Variants in PRKCH observed in about 807,000 individuals in gnomAD.
PRKCH encodes protein kinase C eta type.
A neutral mutation model predicts 82.5 loss-of-function variants in PRKCH; 28 were observed. That is an observed-to-expected ratio of 0.34 (90% confidence interval 0.25 to 0.47). PRKCH has a LOEUF of 0.47. Among genes scored for constraint, PRKCH ranks in the 20% least tolerant of loss-of-function variants. PRKCH has a pLI of 1.00. For missense variants in PRKCH, 705 were observed against 881.8 expected, an observed-to-expected ratio of 0.80 and a Z score of 2.54; for synonymous variants, 322 against 327.4, an observed-to-expected ratio of 0.98 and a Z score of 0.18.
chr14:61,225,942 G>T (rs2044693542), intron 1 of PRKCH, among the ~76,000 whole-genome samples: 1 of 152,148 alleles, frequency 6.6e-6, no homozygotes, highest in African/African-American at 2.4e-5. Flanking sequence ...GTTTTGTCAT[G>T]TTGCCCAGGC....
chr14:61,346,348 G>A (rs186383000), intron 1 of PRKCH, among the ~76,000 whole-genome samples: 1 of 152,236 alleles, frequency 6.6e-6, no homozygotes. Flanking sequence ...TCCTAACAGT[G>A]AATTCCTAGG....
intron 5 of PRKCH, 142 bp from the exon 6 acceptor site, chr14:61,450,700 A>G (rs771044762): frequency 2.2e-6 from 2 of 921,400 alleles, no homozygotes; most frequent in African/African-American, 3.4e-5. Context: ...TGAGTAATTA[A>G]TCAGGGCTGA....
At chr14:61,535,514 C>A (rs934120314) in intron 12 of PRKCH, among the ~76,000 whole-genome samples, 2 of 152,118 alleles carry the variant, frequency 1.3e-5, no homozygotes, top group African/African-American at 4.8e-5. Flanking sequence ...AAGGAGCAGT[C>A]CATTTGAGTA....
intron 12 of PRKCH, among the ~76,000 whole-genome samples, chr14:61,540,164 C>G (rs1253767466): frequency 6.6e-6 from 1 of 152,182 alleles, no homozygotes; most frequent in Non-Finnish European, 1.5e-5. Flanking sequence ...AGCCCTATTA[C>G]TTTTCTTTCC....
chr14:61,342,548 T>C (rs1206315453), intron 1 of PRKCH, among the ~76,000 whole-genome samples: 2 of 152,210 alleles, frequency 1.3e-5, no homozygotes, highest in African/African-American at 4.8e-5. Context: ...GCTTCATCAC[T>C]ATGTTCTATG....
intron 1 of PRKCH, among the ~76,000 whole-genome samples, chr14:61,229,167 A>T (rs1594862788): frequency 6.6e-6 from 1 of 152,188 alleles, no homozygotes; most frequent in South Asian, 2.1e-4. Context: ...ACTCCAAAAT[A>T]GGGGATGTGT....
rs79532097 is a variant in PRKCH, at chr14:61,264,438, C to T, written c.-19+76770C>T. ...TTAATTGGGCAGCAGAGCTCCAGAT[C>T]TAAGAAAGCCTGATTTGGCCACTTT... On this transcript the variant is annotated intron_variant, in intron 1 of 3. Coordinates refer to the PRKCH transcript ENST00000555185. Among the ~76,000 whole-genome samples, 32 of 152,290 alleles carry T rather than the reference C, an allele frequency of 2.1e-4. 1 individual carries two copies. The East Asian group carries it at 6.2e-3, about 29-fold the overall frequency.
At chr14:61,321,273 C>A (rs535415209), upstream of PRKCH, among the ~76,000 whole-genome samples, 7 of 152,268 alleles carry the variant, frequency 4.6e-5, no homozygotes, top group Admixed American at 3.9e-4. The surrounding 1 kb of genome is among the most constrained non-coding windows in gnomAD (Gnocchi z 4.1). Flanking sequence ...CGCGCGGGTT[C>A]CTGGCTGGAG....
chr14:61,354,964 A>G (rs1192438852), intron 1 of PRKCH, among the ~76,000 whole-genome samples: 2 of 152,264 alleles, frequency 1.3e-5, no homozygotes, highest in East Asian at 3.8e-4. Context: ...GAGTACTTGC[A>G]TAAATGAATT....
chr14:61,250,451 C>T (rs1480063716), intron 1 of PRKCH, among the ~76,000 whole-genome samples: 1 of 151,924 alleles, frequency 6.6e-6, no homozygotes, highest in Non-Finnish European at 1.5e-5. Flanking sequence ...ATATGGGAAA[C>T]TTAAATGCGT....
At chr14:61,255,979 T>C (rs2044994482) in intron 1 of PRKCH, among the ~76,000 whole-genome samples, 1 of 152,190 alleles carries the variant, frequency 6.6e-6, no homozygotes, top group Non-Finnish European at 1.5e-5. Flanking sequence ...ATGATGTCAG[T>C]CTACACATGA....
intron 1 of PRKCH, among the ~76,000 whole-genome samples, chr14:61,201,625 C>T (rs1201072624): frequency 6.6e-6 from 1 of 152,032 alleles, no homozygotes; most frequent in Non-Finnish European, 1.5e-5. Flanking sequence ...CACTGACTTC[C>T]TCATATTTCT....
At chr14:61,319,095 G>A (rs114554730), upstream of PRKCH, among the ~76,000 whole-genome samples, 1,449 of 152,266 alleles carry the variant, frequency 9.5e-3, 30 homozygotes, top group African/African-American at 0.033. Flanking sequence ...AGGCTTTCCT[G>A]TGATCTACCA....
intron 10 of PRKCH, among the ~76,000 whole-genome samples, chr14:61,495,103 T>C (rs2139938192): frequency 6.6e-6 from 1 of 152,318 alleles, no homozygotes; most frequent in Non-Finnish European, 1.5e-5. Context: ...TGTTTGATGG[T>C]TAATTTGAGA....
intron 2 of PRKCH, among the ~76,000 whole-genome samples, chr14:61,410,655 C>G (rs1365371908): frequency 6.6e-6 from 1 of 152,228 alleles, no homozygotes; most frequent in African/African-American, 2.4e-5. Flanking sequence ...CAGTCCCCAG[C>G]ATATTATTGG....
chr14:61,335,572 TAAAA>T (rs1206472096), intron 1 of PRKCH, among the ~76,000 whole-genome samples: 1 of 151,738 alleles, frequency 6.6e-6, no homozygotes, highest in South Asian at 2.1e-4. Context: ...AAAATAAAAA[TAAAA>T]AAAACCACAA....
chr14:61,529,455 C>T (rs902704767), intron 11 of PRKCH, among the ~76,000 whole-genome samples: 8 of 151,800 alleles, frequency 5.3e-5, no homozygotes. Flanking sequence ...CACATGCACA[C>T]GTATGTTTAT....
intron 2 of PRKCH, among the ~76,000 whole-genome samples, chr14:61,410,752 C>A (rs1048388954): frequency 2.0e-5 from 3 of 152,188 alleles, no homozygotes; most frequent in Admixed American, 6.5e-5. Flanking sequence ...CGACCTCTAT[C>A]CCTGTTGTGG....
chr14:61,472,085 G>A (rs540457823), intron 9 of PRKCH, among the ~76,000 whole-genome samples: 3 of 152,264 alleles, frequency 2.0e-5, no homozygotes, highest in South Asian at 4.1e-4. Flanking sequence ...CCCTGAGCTC[G>A]GGGGAGACAG....
Sources: allele counts gnomAD v4.1 joint callset (sites outside exome capture counted in the v4.1 genomes callset), GRCh38; gene constraint gnomAD v4.1.1; non-coding constraint Gnocchi (gnomAD v3.1); transcripts MANE v1.5; gene names NCBI Gene and HGNC (gene_info 2026-07-23, HGNC 2026-07-21).